The following TTLL10 variants were observed in gnomAD, a reference collection of about 807,000 sequenced individuals.
The protein encoded by TTLL10 is tubulin tyrosine ligase like 10.
Under a neutral mutation model 69.0 loss-of-function variants are expected in TTLL10, and 61 were observed. The ratio of observed to expected loss-of-function variants is 0.88; its 90% CI spans 0.72 to 1.09. The LOEUF (loss-of-function observed/expected upper bound fraction) is 1.09. TTLL10 is among the 50% of genes least tolerant of loss of function. The pLI is 0.00. For synonymous variants in TTLL10, 408 were observed against 393.3 expected (o/e 1.04, Z -0.44); for missense variants, 962 against 945.9 (o/e 1.02, Z -0.22).
chr1:1,174,881 G>T (rs1646828768), intron 3 of TTLL10: 1 of 152,250 alleles, frequency 6.6e-6, no homozygotes, highest in South Asian at 2.1e-4. Context: ...ACTTTGGGAG[G>T]CCGAGGTGGG....
chr1:1,197,040 C>T (rs1452590650), intron 14 of TTLL10, 53 bp from the exon 15 acceptor site: 2 of 1,511,130 alleles, frequency 1.3e-6, no homozygotes, highest in African/African-American at 1.4e-5. Flanking sequence ...CCTCTGCCTC[C>T]TGCTGGCCCA....
rs1179298396 is a variant in TTLL10, at chr1:1,185,611, C to T, written c.1401+502C>T. 1.0e-6 allele frequency: 1 copy of T among 987,864 alleles called. No homozygotes were observed. Among genetic ancestry groups the T allele is most frequent in the Non-Finnish European group, 1.2e-6 (1 of 831,774 alleles). The allele number at this position is 987,864 out of a possible 1,614,324, so 61.2% of individuals were successfully genotyped here. A position where few individuals can be genotyped will look rare whatever the true frequency, so the allele number is the denominator to read the frequency against. On this transcript the variant is annotated intron_variant, in intron 13 of 15. Transcript: ENST00000379289. This position sits in a 1 kb window ranked among gnomAD's most constrained non-coding sequence, Gnocchi z 6.1. ...TGTGGGGTACTTCAAACAGCCCTAG[C>T]AGCAAAGGCCCTTGAGCAGCGCGGT...
chr1:1,193,336 A>C (rs1647969116), intron 13 of TTLL10, among the ~76,000 whole-genome samples: 1 of 152,152 alleles, frequency 6.6e-6, no homozygotes, highest in Non-Finnish European at 1.5e-5. Context: ...AAAAATAATA[A>C]TAATAATAAT....
chr1:1,192,660 G>C (rs892615766), intron 13 of TTLL10, among the ~76,000 whole-genome samples: 1 of 151,884 alleles, frequency 6.6e-6, no homozygotes, highest in African/African-American at 2.4e-5. Context: ...TATGAGTGTA[G>C]ACACTCCAGT....
At chr1:1,183,550 C>T (rs1049140534) in intron 11 of TTLL10, among the ~76,000 whole-genome samples, 1 of 152,218 alleles carries the variant, frequency 6.6e-6, no homozygotes, top group African/African-American at 2.4e-5. Flanking sequence ...CGGCTCCTCC[C>T]TCGCGTCCCT....
At position 1,177,228 on chromosome 1, in the gene TTLL10, G is replaced by T. The variant is rs59932462; in HGVS notation, c.-27-1961G>T. Among the ~76,000 whole-genome samples, 1,446 of 152,028 alleles carry T rather than the reference G, an allele frequency of 9.5e-3. 21 individuals carry two copies. Among genetic ancestry groups the T allele is most frequent in the African/African-American group, 0.032 (1,330 of 41,442 alleles). Reference sequence around the variant, plus strand: ...TGTCTGTGTGTGTAGGTGTGTCTGTGCATCTGTGCAAGTGTCGACATGTCT... The same window carrying T: ...TGTCTGTGTGTGTAGGTGTGTCTGTTCATCTGTGCAAGTGTCGACATGTCT... On this transcript the variant is annotated intron_variant, in intron 3 of 15. Transcript: ENST00000379289.
At chr1:1,183,766 T>C (rs542414450) in intron 11 of TTLL10, among the ~76,000 whole-genome samples, 154 bp from the exon 12 acceptor site, 5 of 152,286 alleles carry the variant, frequency 3.3e-5, no homozygotes, top group Non-Finnish European at 7.4e-5. Flanking sequence ...CCCTGACATA[T>C]TCAGGCCCAG....
intron 4 of TTLL10, 64 bp downstream of exon 4, chr1:1,179,397 GC>G: frequency 6.9e-7 from 1 of 1,453,188 alleles, no homozygotes; most frequent in Non-Finnish European, 9.4e-7. Context: ...TGGGACGGGT[GC>G]CCCATACCCA....
chr1:1,192,005 C>T (rs886428191), intron 13 of TTLL10, among the ~76,000 whole-genome samples: 2 of 152,220 alleles, frequency 1.3e-5, no homozygotes, highest in Non-Finnish European at 2.9e-5. Flanking sequence ...CCAGCGTGGG[C>T]GTTAGGGCCA....
chr1:1,179,247 G>GC lies in TTLL10; in HGVS notation c.34dup (p.Arg12ProfsTer116), dbSNP rs1557472993. 6.5e-7 allele frequency: 1 copy of GC among 1,549,958 alleles called. No homozygotes were observed. Among genetic ancestry groups the GC allele is most frequent in the African/African-American group, 1.4e-5 (1 of 73,162 alleles). ...CACAGCTGCACCCGGTTCATCCACCGCCGGGGACCACCCACTCGGACCCGA... is the reference window on the plus strand; with the variant it reads ...CACAGCTGCACCCGGTTCATCCACCGCCCGGGGACCACCCACTCGGACCCGA... On this transcript the variant is annotated frameshift_variant, in exon 4 of 16. Transcript: ENST00000379289. LOFTEE classifies it high-confidence loss of function.
In TTLL10 at chr1:1,182,365, CTGAGAATGGAAGAGTT is replaced by C. The variant is rs749209745; in HGVS notation, c.837_852del (p.Arg280SerfsTer107). ...TCCTGCCTCCCTGCCCTGCAGGGTC[CTGAGAATGGAAGAGTT>C]TTTCCCAGAGACCTACCGCCTGGAC... On this transcript the variant is annotated frameshift_variant, in exon 10 of 16. Transcript: ENST00000379289. LOFTEE classifies it high-confidence loss of function. The C allele has an allele frequency of 6.2e-7, 1 of 1,613,852 alleles. No individual in the cohort carries two copies. The highest frequency in any genetic ancestry group is 1.1e-5 in the South Asian group (1 of 91,084).
chr1:1,196,220 C>T (rs1043555359), intron 13 of TTLL10, among the ~76,000 whole-genome samples: 2 of 152,194 alleles, frequency 1.3e-5, no homozygotes, highest in Non-Finnish European at 2.9e-5. Flanking sequence ...TTTTTTGAGG[C>T]AACCATTGAG....
Position 1,180,483 on chromosome 1 carries a change from C to T in TTLL10, c.507C>T (p.Ile169=), listed in dbSNP as rs1440920793. The part of the protein sequence containing the change: ...FYIGGSNGAT[I]ISSYCKSKGW... ...TCACCCCCGCCCCCACCCCTCGCAG[C>T]ATCAGCTCCTACTGCAAAAGCAAGG... Residue 169 remains isoleucine, a splice_region_variant and synonymous_variant, in exon 7 of 16, where the codon ATC becomes ATT. Coordinates refer to ENST00000379289, the MANE Select transcript of TTLL10 (RefSeq NM_001130045.2). The T allele has an allele frequency of 3.9e-6, 6 of 1,550,054 alleles. No individual in the cohort carries two copies. The highest frequency in any genetic ancestry group is 5.2e-6 in the Non-Finnish European group (6 of 1,146,992).
chr1:1,192,240 T>C (rs1244784080), intron 13 of TTLL10, among the ~76,000 whole-genome samples: 4 of 152,282 alleles, frequency 2.6e-5, no homozygotes, highest in African/African-American at 4.8e-5. Context: ...TTTTTGTATA[T>C]TTCGAGGCTC....
At chr1:1,189,835 AGGCACGGTG>A (rs1647608639) in intron 13 of TTLL10, among the ~76,000 whole-genome samples, 1 of 152,026 alleles carries the variant, frequency 6.6e-6, no homozygotes, top group Non-Finnish European at 1.5e-5. Context: ...CCATTTCACC[AGGCACGGTG>A]GCTCATGCCT....
chr1:1,184,622 A>G (rs1050878867), intron 12 of TTLL10, among the ~76,000 whole-genome samples: 1 of 152,088 alleles, frequency 6.6e-6, no homozygotes, highest in African/African-American at 2.4e-5. Context: ...GAGCAAGGTT[A>G]GGGGCGGCTG....
At position 1,197,140 on chromosome 1, in the gene TTLL10, C is replaced by T. The variant is rs762946597; in HGVS notation, c.1566C>T (p.Cys522=). ...CTAACCCAGCCCTGCACACCAACTG[C>T]GAGGTCCTGAAGGAGGTCATCCCAG... ...MNSNPALHTN[C]EVLKEVIPGV... is the part of the protein sequence containing the mutation. The change falls in exon 15 of 16, where the codon TGC becomes TGT. Residue 522 remains cysteine, a synonymous_variant. Coordinates refer to ENST00000379289, the MANE Select transcript of TTLL10 (RefSeq NM_001130045.2). 7.3e-5 allele frequency: 113 copies of T among 1,550,880 alleles called. No homozygotes were observed. The highest frequency in any genetic ancestry group is 1.8e-4 in the African/African-American group (13 of 72,936).
intron 13 of TTLL10, among the ~76,000 whole-genome samples, chr1:1,192,221 T>G (rs1021006026): frequency 6.0e-5 from 9 of 150,388 alleles, no homozygotes; most frequent in African/African-American, 2.2e-4. Context: ...TCCCTTCAGA[T>G]CTGTCAGTTT....
At chr1:1,190,972 C>G (rs573494095) in intron 13 of TTLL10, among the ~76,000 whole-genome samples, 2 of 152,206 alleles carry the variant, frequency 1.3e-5, no homozygotes, top group East Asian at 3.9e-4. Context: ...ATTACAGGCA[C>G]CTGCCACCAC....
Sources: gnomAD v4.1 joint callset for allele counts (sites outside exome capture counted in the v4.1 genomes callset) on GRCh38, gnomAD v4.1.1 for gene constraint, Gnocchi (gnomAD v3.1) non-coding constraint, MANE v1.5 for transcripts, NCBI Gene and HGNC (gene_info 2026-07-23, HGNC 2026-07-21) for gene names.